EYS: variants seen among roughly 807,000 people sequenced by gnomAD.
EYS encodes the protein EGF-like photoreceptor maintenance factor, also known as protein eyes shut homolog.
Under a neutral mutation model 282.1 loss-of-function variants are expected in EYS, and 250 were observed. The ratio of observed to expected loss-of-function variants is 0.89; its 90% CI spans 0.80 to 0.98. The LOEUF is 0.98. EYS is among the 50% of genes least tolerant of loss of function. The pLI, the probability that EYS is intolerant of heterozygous loss-of-function variation, is 0.00. For missense variants in EYS, 4,016 were observed against 3,709.0 expected, an observed-to-expected ratio of 1.08 and a Z score of -2.15; for synonymous variants, 1,355 against 1,282.9, an observed-to-expected ratio of 1.06 and a Z score of -1.20.
chr6:64,152,882 G>A (rs775276943), intron 31 of EYS, among the ~76,000 whole-genome samples: 2 of 152,090 alleles, frequency 1.3e-5, no homozygotes. Context: ...AGCTTAGCAG[G>A]ACAAAGGTAA....
At position 65,172,982 on chromosome 6, in the gene EYS, T is replaced by A. The variant is rs202102925; in HGVS notation, c.2024-115255A>T. 1.0e-3 allele frequency among the ~76,000 whole-genome samples: 149 copies of A among 145,684 alleles called. 2 individuals are homozygous for A. The South Asian group carries it at 0.016, about 15-fold the overall frequency. On this transcript the variant is annotated intron_variant, in intron 12 of 42. Transcript: ENST00000503581. ...ATATGAGCCCTAAAGCCTGGAAATTTAAAAAAAAAAAAACTTAGAGCCTTA... is the reference window on the plus strand; with the variant it reads ...ATATGAGCCCTAAAGCCTGGAAATTAAAAAAAAAAAAAACTTAGAGCCTTA...
chr6:64,547,449 T>G (rs375022519), intron 26 of EYS, among the ~76,000 whole-genome samples: 5 of 152,076 alleles, frequency 3.3e-5, no homozygotes, highest in African/African-American at 1.2e-4. Flanking sequence ...TACAGAGTGT[T>G]GACGCAAAGG....
chr6:64,505,911 T>G (rs1478749349), intron 26 of EYS, among the ~76,000 whole-genome samples: 4 of 152,220 alleles, frequency 2.6e-5, no homozygotes, highest in African/African-American at 9.6e-5. Flanking sequence ...CACCTCAGTA[T>G]GCTGATATGC....
At chr6:65,187,460 T>C (rs558240250) in intron 12 of EYS, among the ~76,000 whole-genome samples, 14 of 151,764 alleles carry the variant, frequency 9.2e-5, no homozygotes, top group African/African-American at 3.4e-4. Context: ...TTTATAGACA[T>C]AGAATGGGAA....
At chr6:65,065,732 ATTC>A (rs899506444) in intron 12 of EYS, among the ~76,000 whole-genome samples, 2 of 152,116 alleles carry the variant, frequency 1.3e-5, no homozygotes, top group Non-Finnish European at 2.9e-5. Context: ...ATTTATAGTA[ATTC>A]TTCTTCACAC....
chr6:65,208,451 T>C (rs1448105110), intron 12 of EYS, among the ~76,000 whole-genome samples: 2 of 151,106 alleles, frequency 1.3e-5, no homozygotes, highest in Admixed American at 6.6e-5. Context: ...TTACTTCAGG[T>C]CATCTACACA....
intron 33 of EYS, among the ~76,000 whole-genome samples, chr6:64,028,505 C>A (rs1040513990): frequency 1.3e-5 from 2 of 152,194 alleles, no homozygotes; most frequent in East Asian, 1.9e-4. Context: ...ACCCCTATAT[C>A]CTGCTCTCTC....
chr6:63,850,396 T>C (rs770773100), intron 36 of EYS, among the ~76,000 whole-genome samples: 7 of 150,762 alleles, frequency 4.6e-5, no homozygotes, highest in African/African-American at 7.3e-5. Flanking sequence ...AAGATTGAAA[T>C]GAAGGAAAAA....
intron 19 of EYS, among the ~76,000 whole-genome samples, chr6:64,878,125 TG>T (rs548609472): frequency 4.6e-5 from 7 of 151,964 alleles, no homozygotes; most frequent in African/African-American, 1.7e-4. Context: ...CCCAGCTACT[TG>T]GGAGGCTGAG....
At chr6:64,179,421 G>A (rs1222620742) in intron 31 of EYS, among the ~76,000 whole-genome samples, 1 of 151,960 alleles carries the variant, frequency 6.6e-6, no homozygotes, top group Non-Finnish European at 1.5e-5. Flanking sequence ...CAGAGTTTTT[G>A]AAATAAGTAA....
At chr6:63,763,029 C>T (rs1582182785) in intron 40 of EYS, among the ~76,000 whole-genome samples, 1 of 152,002 alleles carries the variant, frequency 6.6e-6, no homozygotes, top group East Asian at 1.9e-4. Flanking sequence ...TGTGTTTTTC[C>T]CTGGCATTGG....
chr6:64,670,402 A>AAAATAAATAAATAAAT (rs60435635), intron 22 of EYS, among the ~76,000 whole-genome samples: 6 of 145,524 alleles, frequency 4.1e-5, no homozygotes, highest in Admixed American at 2.8e-4. Context: ...GAAGTGGCCC[A>AAAATAAATAAATAAAT]AAATAAATAA....
rs527578203 is a variant in EYS at position 63,999,374 on chromosome 6, GTTTTATTTTCCT to G, written c.6726-203_6726-192del. ...AGATGTATTTCTTTTCTAACACTGC[GTTTTATTTTCCT>G]TCTCTCCTACTGACTTTAAAATTGG... is the stretch of plus-strand genomic sequence containing the variant. On this transcript the variant is annotated intron_variant, in intron 33 of 42. Coordinates refer to ENST00000503581, the MANE Select transcript of EYS (RefSeq NM_001142800.2). 5.0e-3 allele frequency among the ~76,000 whole-genome samples: 763 copies of G among 152,274 alleles called. 3 individuals carry two copies. Among genetic ancestry groups the G allele is most frequent in the Non-Finnish European group, 7.7e-3 (523 of 68,024 alleles).
chr6:64,944,548 G>A (rs547869838), intron 15 of EYS, among the ~76,000 whole-genome samples: 1 of 152,136 alleles, frequency 6.6e-6, no homozygotes, highest in East Asian at 1.9e-4. Flanking sequence ...CCTTGAAAGC[G>A]GGGTATTGTC....
chr6:65,384,512 T>A lies in EYS; in HGVS notation c.1185-12A>T. Reference sequence around the variant, plus strand: ...ATCCTGATATACAGCTGTAAATACATCAGTGTAAATTAGAAAAATTATAAT... The same window carrying A: ...ATCCTGATATACAGCTGTAAATACAACAGTGTAAATTAGAAAAATTATAAT... On this transcript the variant is annotated splice_polypyrimidine_tract_variant and intron_variant, in intron 7 of 42. Coordinates refer to ENST00000503581, the MANE Select transcript of EYS (RefSeq NM_001142800.2). The A allele has an allele frequency of 7.9e-7, 1 of 1,260,498 alleles. No individual in the cohort carries two copies. 78.1% of individuals were successfully genotyped at this position (1,260,498 alleles called of 1,614,324 possible).
intron 17 of EYS, 88 bp from the exon 18 acceptor site, chr6:64,902,308 A>G: frequency 7.6e-7 from 1 of 1,308,982 alleles, no homozygotes; most frequent in African/African-American, 1.5e-5. Flanking sequence ...GTTTTTAATA[A>G]TTATAATTGT....
Position 65,359,409 on chromosome 6 carries a change from T to C in EYS, c.1300-5792A>G, listed in dbSNP as rs114169167. Reference sequence around the variant, plus strand: ...GCTTTTCTATTTTATAAGGGAAAACTAATTTTGATTGCTAGTATGAAGAGG... The same window carrying C: ...GCTTTTCTATTTTATAAGGGAAAACCAATTTTGATTGCTAGTATGAAGAGG... On this transcript the variant is annotated intron_variant, in intron 8 of 42. Coordinates refer to ENST00000503581, the MANE Select transcript of EYS (RefSeq NM_001142800.2). Among the ~76,000 whole-genome samples, 1,397 of 152,112 alleles carry C rather than the reference T, an allele frequency of 9.2e-3. 19 individuals are homozygous for C. Among genetic ancestry groups the C allele is most frequent in the Middle Eastern group, 0.014 (4 of 292 alleles).
chr6:63,839,433 T>C (rs1581877823), intron 36 of EYS, among the ~76,000 whole-genome samples: 1 of 152,240 alleles, frequency 6.6e-6, no homozygotes, highest in South Asian at 2.1e-4. Context: ...ATTGTGTATA[T>C]GTATGACATT....
chr6:65,292,299 T>C (rs552270614), intron 12 of EYS, among the ~76,000 whole-genome samples: 64 of 151,862 alleles, frequency 4.2e-4, no homozygotes, highest in Non-Finnish European at 8.4e-4. Flanking sequence ...GGCTACACTA[T>C]AAATTTGTTT....
Sources: gnomAD v4.1 joint callset for allele counts (sites outside exome capture counted in the v4.1 genomes callset) on GRCh38, gnomAD v4.1.1 for gene constraint, MANE v1.5 for transcripts, NCBI Gene and HGNC (gene_info 2026-07-23, HGNC 2026-07-21) for gene names.